The following EML1 variants were observed in gnomAD, a reference collection of about 807,000 sequenced individuals.
The protein encoded by EML1 is EMAP like 1, also known as echinoderm microtubule-associated protein-like 1.
A neutral mutation model predicts 110.4 loss-of-function variants in EML1; 27 were observed. The ratio of observed to expected loss-of-function variants is 0.24; its 90% CI spans 0.18 to 0.34. EML1 has a LOEUF of 0.34. EML1 is among the 10% of genes least tolerant of loss of function. EML1 has a pLI of 1.00. For synonymous variants in EML1, 344 were observed against 385.8 expected (o/e 0.89, Z 1.27); for missense variants, 741 against 1,030.9 (o/e 0.72, Z 3.85).
chr14:99,738,195 G>A (rs1034834213), intron 1 of EML1, among the ~76,000 whole-genome samples: 5 of 152,206 alleles, frequency 3.3e-5, no homozygotes, highest in Non-Finnish European at 7.4e-5. Flanking sequence ...GGATGCCGTG[G>A]GCCACTGGAA....
intron 1 of EML1, among the ~76,000 whole-genome samples, chr14:99,812,472 T>G (rs529821319): frequency 2.6e-5 from 4 of 151,990 alleles, no homozygotes; most frequent in African/African-American, 9.6e-5. Flanking sequence ...TACACAGCAT[T>G]GAGGTGCTGT....
At chr14:99,763,159 C>T (rs532485314) in intron 1 of EML1, among the ~76,000 whole-genome samples, 124 of 152,316 alleles carry the variant, frequency 8.1e-4, no homozygotes, top group Non-Finnish European at 1.4e-3. Context: ...TGACTTGCTC[C>T]TCCTTGCCTT....
chr14:99,824,864 C>T (rs1419005040), intron 1 of EML1, among the ~76,000 whole-genome samples: 1 of 152,146 alleles, frequency 6.6e-6, no homozygotes, highest in African/African-American at 2.4e-5. Context: ...TGAGTAAGGA[C>T]GTGCAGTATA....
At chr14:99,780,623 C>T (rs944485620) in intron 1 of EML1, among the ~76,000 whole-genome samples, 1 of 152,172 alleles carries the variant, frequency 6.6e-6, no homozygotes, top group African/African-American at 2.4e-5. Flanking sequence ...CCATCATAAG[C>T]ATCACGTGCC....
At chr14:99,760,478 T>C (rs1167814100) in intron 1 of EML1, among the ~76,000 whole-genome samples, 1 of 152,206 alleles carries the variant, frequency 6.6e-6, no homozygotes, top group Non-Finnish European at 1.5e-5. Flanking sequence ...AACCATTCTC[T>C]GATGTTGGGA....
chr14:99,749,473 C>T (rs1464211080), intron 1 of EML1, among the ~76,000 whole-genome samples: 3 of 152,204 alleles, frequency 2.0e-5, no homozygotes, highest in African/African-American at 4.8e-5. Flanking sequence ...CCTTAAGTCT[C>T]GGTTTTCATA....
chr14:99,758,191 T>C (rs2057276796), intron 1 of EML1, among the ~76,000 whole-genome samples: 1 of 152,182 alleles, frequency 6.6e-6, no homozygotes, highest in South Asian at 2.1e-4. Context: ...TGCTTACACA[T>C]GAACACTGTG....
chr14:99,779,332 C>T (rs942850486), intron 1 of EML1, among the ~76,000 whole-genome samples: 6 of 152,062 alleles, frequency 3.9e-5, no homozygotes, highest in Non-Finnish European at 8.8e-5. Flanking sequence ...GATGTTTTAT[C>T]ATCTAATTTT....
At chr14:99,895,765 T>TAAA (rs3071434) in intron 6 of EML1, among the ~76,000 whole-genome samples, 301 of 147,778 alleles carry the variant, frequency 2.0e-3, no homozygotes, top group Admixed American at 9.0e-3. Flanking sequence ...CATCCTACTT[T>TAAA]AAAAAAAAAA....
chr14:99,920,473 C>G (rs2060111269), intron 16 of EML1, among the ~76,000 whole-genome samples: 3 of 152,216 alleles, frequency 2.0e-5, no homozygotes, highest in South Asian at 2.1e-4. Flanking sequence ...TGCCCTGGCA[C>G]TAGGTATTGG....
At chr14:99,930,939 T>C (rs1436773743) in intron 17 of EML1, among the ~76,000 whole-genome samples, 2 of 152,214 alleles carry the variant, frequency 1.3e-5, no homozygotes, top group Admixed American at 6.5e-5. Context: ...TTTGATCTTA[T>C]CCATGTCATT....
chr14:99,843,140 A>G (rs772820490), intron 1 of EML1, among the ~76,000 whole-genome samples: 8 of 152,100 alleles, frequency 5.3e-5, no homozygotes, highest in African/African-American at 1.7e-4. Context: ...TGTACTTCCA[A>G]CTACTCGGGA....
chr14:99,796,400 C>G (rs1416009410), intron 1 of EML1, among the ~76,000 whole-genome samples: 2 of 151,900 alleles, frequency 1.3e-5, no homozygotes, highest in Non-Finnish European at 2.9e-5. Context: ...CCTCATCTTT[C>G]AGGAACTGTC....
intron 1 of EML1, among the ~76,000 whole-genome samples, chr14:99,799,972 T>A (rs2057844957): frequency 6.6e-6 from 1 of 152,224 alleles, no homozygotes; most frequent in African/African-American, 2.4e-5. Context: ...TTGTACTCCT[T>A]ACAAAAATTT....
At chr14:99,912,129 A>G (rs1405921734) in intron 13 of EML1, among the ~76,000 whole-genome samples, 1 of 151,844 alleles carries the variant, frequency 6.6e-6, no homozygotes, top group East Asian at 1.9e-4. Flanking sequence ...CGATCCTCCC[A>G]CCTCAGCCTC....
intron 2 of EML1, among the ~76,000 whole-genome samples, chr14:99,863,494 T>G (rs1237591039): frequency 6.6e-6 from 1 of 152,196 alleles, no homozygotes; most frequent in Non-Finnish European, 1.5e-5. Context: ...CCTAGAAGAC[T>G]TCCTGTATGT....
chr14:99,791,322 T>C (rs1181769026), upstream of EML1, among the ~76,000 whole-genome samples: 1 of 152,210 alleles, frequency 6.6e-6, no homozygotes, highest in Non-Finnish European at 1.5e-5. Flanking sequence ...TGCAGAGAAC[T>C]CTACGCAAAT....
intron 3 of EML1, among the ~76,000 whole-genome samples, chr14:99,866,236 A>C (rs1338519425): frequency 1.7e-4 from 26 of 152,182 alleles, no homozygotes; most frequent in Admixed American, 1.7e-3. Flanking sequence ...TGAGCTCAGG[A>C]GTGTGAGACC....
At chr14:99,859,504 A>G (rs1236931363) in intron 2 of EML1, among the ~76,000 whole-genome samples, 1 of 152,218 alleles carries the variant, frequency 6.6e-6, no homozygotes, top group Non-Finnish European at 1.5e-5. Context: ...ACCTTAAGGA[A>G]CATTTTTGAG....
Sources: gnomAD v4.1 joint callset for allele counts (sites outside exome capture counted in the v4.1 genomes callset) on GRCh38, gnomAD v4.1.1 for gene constraint, MANE v1.5 for transcripts, NCBI Gene and HGNC (gene_info 2026-07-23, HGNC 2026-07-21) for gene names.